The following ADGRL2 variants were observed in gnomAD, a reference collection of about 807,000 sequenced individuals.
ADGRL2 encodes adhesion G protein-coupled receptor L2, also known as calcium-independent alpha-latrotoxin receptor 2.
ADGRL2 carries 44 observed loss-of-function variants against 157.4 expected under a neutral mutation model. That is an observed-to-expected ratio of 0.28 (90% confidence interval 0.22 to 0.36). The LOEUF is 0.36. Among genes scored for constraint, ADGRL2 ranks in the 10% least tolerant of loss-of-function variants. ADGRL2 has a pLI of 1.00. For synonymous variants in ADGRL2, 585 were observed against 624.7 expected (o/e 0.94, Z 0.95); for missense variants, 1,510 against 1,768.9 (o/e 0.85, Z 2.63).
intron 2 of ADGRL2, among the ~76,000 whole-genome samples, chr1:81,782,023 G>C (rs1299202898): frequency 6.6e-6 from 1 of 152,132 alleles, no homozygotes; most frequent in Non-Finnish European, 1.5e-5. Context: ...CCAGCTCCCA[G>C]TGTTCCCGTA....
chr1:81,700,202 A>T (rs897830223), intron 1 of ADGRL2, among the ~76,000 whole-genome samples: 4 of 152,236 alleles, frequency 2.6e-5, no homozygotes, highest in Non-Finnish European at 4.4e-5. Flanking sequence ...TGCTCTGAAG[A>T]TGTCTTTTCA....
intron 1 of ADGRL2, among the ~76,000 whole-genome samples, chr1:81,733,962 G>A (rs1225420342): frequency 2.6e-5 from 4 of 152,076 alleles, no homozygotes; most frequent in Admixed American, 2.6e-4. Context: ...TAACAAAGCT[G>A]CACATGTATC....
At chr1:81,895,324 T>G (rs888927004) in intron 2 of ADGRL2, among the ~76,000 whole-genome samples, 1 of 151,288 alleles carries the variant, frequency 6.6e-6, no homozygotes, top group Admixed American at 6.6e-5. Context: ...GGAAATATAA[T>G]AAAAATTGGT....
intron 3 of ADGRL2, among the ~76,000 whole-genome samples, chr1:81,664,095 T>C (rs953122752): frequency 6.6e-6 from 1 of 152,200 alleles, no homozygotes; most frequent in Non-Finnish European, 1.5e-5. Context: ...ACTTTCTATA[T>C]ACTATTTCTT....
intron 2 of ADGRL2, among the ~76,000 whole-genome samples, chr1:81,882,290 G>T (rs1220064351): frequency 1.3e-5 from 2 of 152,082 alleles, no homozygotes; most frequent in African/African-American, 2.4e-5. Context: ...ACCTATTGAA[G>T]AATTTGGTTT....
intron 1 of ADGRL2, among the ~76,000 whole-genome samples, chr1:81,741,572 TC>T: frequency 6.6e-6 from 1 of 152,184 alleles, no homozygotes; most frequent in East Asian, 1.9e-4. Context: ...CACAAATCTA[TC>T]TACTTTTCCT....
intron 1 of ADGRL2, among the ~76,000 whole-genome samples, chr1:81,751,486 A>G (rs2085488588): frequency 6.6e-6 from 1 of 152,246 alleles, no homozygotes; most frequent in African/African-American, 2.4e-5. Context: ...AGCATCTTAC[A>G]AAACAAACTA....
intron 11 of ADGRL2, 27 bp from the exon 12 acceptor site, chr1:81,966,031 A>G: frequency 6.2e-7 from 1 of 1,606,178 alleles, no homozygotes; most frequent in Non-Finnish European, 8.5e-7. Flanking sequence ...TTTTTTCCCC[A>G]CCTCCTTTAT....
intron 2 of ADGRL2, among the ~76,000 whole-genome samples, chr1:81,893,278 T>TA (rs2094308449): frequency 7.4e-6 from 1 of 135,642 alleles, no homozygotes. Context: ...CATTTTCTGA[T>TA]AAAAAGTATT....
At chr1:81,837,899 G>A (rs190322095) in intron 2 of ADGRL2, among the ~76,000 whole-genome samples, 6 of 151,966 alleles carry the variant, frequency 3.9e-5, no homozygotes, top group Admixed American at 3.9e-4. Flanking sequence ...GTTGATAGTG[G>A]CAGTTATTGG....
chr1:81,799,049 TAAG>T (rs1282701728), upstream of ADGRL2, among the ~76,000 whole-genome samples: 2 of 152,214 alleles, frequency 1.3e-5, no homozygotes, highest in East Asian at 1.9e-4. Flanking sequence ...TTTATATTCC[TAAG>T]AAGATCATAA....
At chr1:81,767,689 T>G (rs578150970) in intron 2 of ADGRL2, among the ~76,000 whole-genome samples, 6 of 151,804 alleles carry the variant, frequency 4.0e-5, no homozygotes, top group African/African-American at 1.2e-4. Context: ...CTGGGCAACA[T>G]GGTGAAACCC....
At chr1:81,357,521 AC>A (rs1470353762) in intron 1 of ADGRL2, among the ~76,000 whole-genome samples, 2 of 152,196 alleles carry the variant, frequency 1.3e-5, no homozygotes, top group East Asian at 3.9e-4. Flanking sequence ...TTACCTCTTT[AC>A]TTTTTTGTAG....
At chr1:81,455,063 A>G (rs35856662) in intron 2 of ADGRL2, among the ~76,000 whole-genome samples, 82 of 152,326 alleles carry the variant, frequency 5.4e-4, no homozygotes, top group Non-Finnish European at 9.6e-4. Flanking sequence ...CTCAGAGCAT[A>G]CAGACATGGT....
intron 3 of ADGRL2, among the ~76,000 whole-genome samples, chr1:81,685,833 T>G (rs2083218050): frequency 2.0e-5 from 3 of 152,228 alleles, no homozygotes; most frequent in Non-Finnish European, 4.4e-5. Context: ...TGCTGAGAGT[T>G]TTAATCATAA....
chr1:81,452,036 C>T (rs2077712611), intron 2 of ADGRL2, among the ~76,000 whole-genome samples: 1 of 152,112 alleles, frequency 6.6e-6, no homozygotes, highest in African/African-American at 2.4e-5. Flanking sequence ...TCTTGTTCAA[C>T]TTTCCCTTTC....
At chr1:81,798,736 C>T (rs1037259446), upstream of ADGRL2, among the ~76,000 whole-genome samples, 3 of 152,072 alleles carry the variant, frequency 2.0e-5, no homozygotes, top group Admixed American at 2.0e-4. Flanking sequence ...ATGGGTTTTT[C>T]CAGAGATTAT....
intron 1 of ADGRL2, among the ~76,000 whole-genome samples, chr1:81,362,254 C>G (rs1242002850): frequency 2.0e-5 from 3 of 151,790 alleles, no homozygotes; most frequent in Non-Finnish European, 4.4e-5. Context: ...CCCATTATAT[C>G]CCTCTGCGTC....
At chr1:81,476,122 T>C (rs1434159707) in intron 2 of ADGRL2, among the ~76,000 whole-genome samples, 1 of 147,838 alleles carries the variant, frequency 6.8e-6, no homozygotes, top group African/African-American at 2.5e-5. Flanking sequence ...CTTAAATATA[T>C]GGGTAGGAAA....
Sources: allele counts gnomAD v4.1 joint callset (sites outside exome capture counted in the v4.1 genomes callset), GRCh38; gene constraint gnomAD v4.1.1; transcripts MANE v1.5; gene names NCBI Gene and HGNC (gene_info 2026-07-23, HGNC 2026-07-21).